EDA: variants seen among roughly 807,000 people sequenced by gnomAD.
EDA encodes the protein ectodysplasin A.
In EDA, 2 loss-of-function variants were observed where a neutral mutation model predicts 23.6. That is an observed-to-expected ratio of 0.08 (90% confidence interval 0.03 to 0.27). The LOEUF (loss-of-function observed/expected upper bound fraction) is 0.27, where lower values mean the gene tolerates loss of function less well. Among genes scored for constraint, EDA ranks in the 10% least tolerant of loss-of-function variants. EDA has a pLI of 1.00. For missense variants in EDA, 229 were observed against 324.2 expected (o/e 0.71, Z 2.26); for synonymous variants, 131 against 132.0 (o/e 0.99, Z 0.05).
chrX:69,627,594 CT>C (rs1325129182), intron 1 of EDA, among the ~76,000 whole-genome samples: 5 of 111,548 alleles, frequency 4.5e-5, no homozygotes, highest in African/African-American at 1.6e-4. Flanking sequence ...TGATGCTCAT[CT>C]CCATTTGAGA....
intron 1 of EDA, among the ~76,000 whole-genome samples, chrX:69,947,370 G>A (rs751687103): frequency 8.9e-6 from 1 of 112,291 alleles, no homozygotes; most frequent in South Asian, 3.7e-4. Flanking sequence ...ATGTATTTCT[G>A]TGTTTGACTT....
chrX:69,688,787 G>C lies in EDA; in HGVS notation c.396+72083G>C, dbSNP rs185451493. Among the ~76,000 whole-genome samples, 232 of 111,992 alleles carry C rather than the reference G, an allele frequency of 2.1e-3. 1 individual carries two copies. Among genetic ancestry groups the C allele is most frequent in the Non-Finnish European group, 1.7e-3 (89 of 53,206 alleles). On this transcript the variant is annotated intron_variant, in intron 1 of 7. Coordinates refer to ENST00000374552, the MANE Select transcript of EDA (RefSeq NM_001399.5). ...AGGAGGATAATGAGGTGGTGACAAAGGATGAAACTGCAGAAGTAGCAAGGT... is the reference window on the plus strand; with the variant it reads ...AGGAGGATAATGAGGTGGTGACAAACGATGAAACTGCAGAAGTAGCAAGGT...
intron 1 of EDA, among the ~76,000 whole-genome samples, chrX:69,789,692 T>G (rs2804330): frequency 1.4e-4 from 16 of 110,494 alleles, no homozygotes; most frequent in African/African-American, 5.3e-4. Flanking sequence ...CTTCTAAAAA[T>G]TGTATCTATA....
At chrX:69,793,580 T>TTG (rs1353182982) in intron 1 of EDA, among the ~76,000 whole-genome samples, 2 of 102,497 alleles carry the variant, frequency 2.0e-5, no homozygotes, top group Admixed American at 2.1e-4. Context: ...GTTTTTTTTT[T>TTG]TTTTTTTTTG....
intron 1 of EDA, among the ~76,000 whole-genome samples, chrX:69,729,688 C>T (rs768893333): frequency 8.9e-5 from 10 of 111,837 alleles, no homozygotes; most frequent in Non-Finnish European, 1.1e-4. Context: ...GTATGTTCTA[C>T]GCAAAGCTAC....
chrX:69,727,217 C>T (rs1244583297), intron 1 of EDA, among the ~76,000 whole-genome samples: 2 of 111,828 alleles, frequency 1.8e-5, no homozygotes, highest in Admixed American at 9.5e-5. Flanking sequence ...CTCTGCTGCA[C>T]TCTGCTGCTC....
chrX:69,694,374 T>G (rs749746931), intron 1 of EDA, among the ~76,000 whole-genome samples: 10 of 112,416 alleles, frequency 8.9e-5, no homozygotes, highest in Non-Finnish European at 1.7e-4. Context: ...TATGAAAATC[T>G]GCCAAAGCAT....
Position 69,856,711 on chromosome X carries a change from A to AT in EDA, c.397-100304dup, listed in dbSNP as rs368026991. ...CCTTAGCTTACTTTTTGATGCGATT[A>AT]TTTTTTTTTTTTGGAGGGGGCTGAT... On this transcript the variant is annotated intron_variant, in intron 1 of 7. Transcript: ENST00000374552. Among the ~76,000 whole-genome samples, 273 of 101,576 alleles carry AT rather than the reference A, an allele frequency of 2.7e-3. 2 individuals carry two copies. Among genetic ancestry groups the AT allele is most frequent in the African/African-American group, 4.9e-3 (135 of 27,503 alleles). The allele number at this position is 101,576 out of a possible 115,157, so 88.2% of individuals were successfully genotyped here.
intron 1 of EDA, among the ~76,000 whole-genome samples, chrX:69,711,978 T>C (rs1391538101): frequency 9.0e-6 from 1 of 111,418 alleles, no homozygotes; most frequent in Non-Finnish European, 1.9e-5. Flanking sequence ...GAAGGGTTTT[T>C]TGTGTCTCTA....
intron 1 of EDA, among the ~76,000 whole-genome samples, chrX:69,896,398 AGTGTGTGTGTGTGTGT>A (rs373119823): frequency 1.0e-5 from 1 of 97,311 alleles, no homozygotes; most frequent in African/African-American, 3.8e-5. Flanking sequence ...TATGTGCATC[AGTGTGTGTGTGTGTGT>A]GTGTGTGTGT....
Position 69,638,942 on chromosome X carries a change from C to T in EDA, c.396+22238C>T, listed in dbSNP as rs769384009. On this transcript the variant is annotated intron_variant, in intron 1 of 7. Coordinates refer to ENST00000374552, the MANE Select transcript of EDA (RefSeq NM_001399.5). ...TTAACCAACTCCCTACTCTCCCCTC[C>T]CCCCAGCCCCTATCAACCATTAATC... Among the ~76,000 whole-genome samples the T allele has an allele frequency of 9.1e-5, 10 of 109,593 alleles. No homozygotes were observed. The South Asian group carries it at 3.7e-3, about 40-fold the overall frequency.
chrX:69,698,358 G>A (rs2011426659), intron 1 of EDA, among the ~76,000 whole-genome samples: 1 of 111,390 alleles, frequency 9.0e-6, no homozygotes, highest in African/African-American at 3.3e-5. Context: ...ACAGTGTAGG[G>A]CCTGACCACT....
chrX:69,620,760 A>G, intron 1 of EDA: 1 of 284,551 alleles, frequency 3.5e-6, no homozygotes, highest in Middle Eastern at 5.8e-4. Flanking sequence ...ATCTGCCTTC[A>G]TTTTTGTCTT....
intron 1 of EDA, among the ~76,000 whole-genome samples, chrX:69,909,589 G>A (rs187777163): frequency 5.7e-4 from 64 of 112,780 alleles, no homozygotes; most frequent in East Asian, 4.2e-3. Context: ...GTGAGCCACC[G>A]CGCCCGGCCC....
intron 2 of EDA, among the ~76,000 whole-genome samples, chrX:69,979,866 A>G (rs2019378864): frequency 9.0e-6 from 1 of 111,559 alleles, no homozygotes; most frequent in Non-Finnish European, 1.9e-5. Flanking sequence ...CATTTGCAGC[A>G]CAGAGTTTTT....
chrX:69,748,498 T>C (rs1222128644), intron 1 of EDA, among the ~76,000 whole-genome samples: 5 of 111,645 alleles, frequency 4.5e-5, no homozygotes, highest in Non-Finnish European at 9.4e-5. Context: ...TAAACAAAAT[T>C]AGGATATGTG....
chrX:69,894,250 G>A (rs1020595662), intron 1 of EDA, among the ~76,000 whole-genome samples: 3 of 110,728 alleles, frequency 2.7e-5, no homozygotes, highest in Non-Finnish European at 5.7e-5. Context: ...TTTCTGTTCC[G>A]TTGGACTGTG....
chrX:69,852,909 G>T (rs2017165991), intron 1 of EDA, among the ~76,000 whole-genome samples: 1 of 111,875 alleles, frequency 8.9e-6, no homozygotes, highest in Admixed American at 9.5e-5. Flanking sequence ...CATTGGTACT[G>T]CTTTCCAAGC....
At chrX:69,744,050 A>C in intron 1 of EDA, among the ~76,000 whole-genome samples, 1 of 111,564 alleles carries the variant, frequency 9.0e-6, no homozygotes, top group Middle Eastern at 4.6e-3. Context: ...CCTCCTGTTG[A>C]CTTGGATATC....
Sources: gnomAD v4.1 joint callset for allele counts (sites outside exome capture counted in the v4.1 genomes callset) on GRCh38, gnomAD v4.1.1 for gene constraint, MANE v1.5 for transcripts, NCBI Gene and HGNC (gene_info 2026-07-23, HGNC 2026-07-21) for gene names.